DYM: variants seen among roughly 807,000 people sequenced by gnomAD.
DYM encodes the protein dymeclin.
Under a neutral mutation model 93.1 loss-of-function variants are expected in DYM, and 78 were observed. That is an observed-to-expected ratio of 0.84 (90% CI 0.70 to 1.01). The LOEUF (loss-of-function observed/expected upper bound fraction) is 1.01, where lower values mean the gene tolerates loss of function less well. Ranked by LOEUF, DYM falls within the 50% of genes least tolerant of loss-of-function variation. The pLI is 0.00. For missense variants in DYM, 789 were observed against 845.0 expected (o/e 0.93, Z 0.82); for synonymous variants, 321 against 319.7 (o/e 1.00, Z -0.04).
intron 6 of DYM, among the ~76,000 whole-genome samples, chr18:49,345,083 A>G (rs1482967901): frequency 6.6e-6 from 1 of 152,202 alleles, no homozygotes; most frequent in Non-Finnish European, 1.5e-5. Context: ...ATCATAATCC[A>G]GAAAATAATC....
At chr18:49,263,764 T>C (rs2094527264) in intron 11 of DYM, among the ~76,000 whole-genome samples, 2 of 152,144 alleles carry the variant, frequency 1.3e-5, no homozygotes, top group Admixed American at 6.5e-5. Context: ...ATTAACTGTG[T>C]TAACACACTA....
At chr18:49,211,113 TAAAG>T (rs2092762363) in intron 13 of DYM, among the ~76,000 whole-genome samples, 1 of 152,148 alleles carries the variant, frequency 6.6e-6, no homozygotes, top group Non-Finnish European at 1.5e-5. Flanking sequence ...TAAAATTTTT[TAAAG>T]AAAGACAAAA....
At chr18:49,289,037 G>A (rs1045247352) in intron 8 of DYM, among the ~76,000 whole-genome samples, 12 of 152,186 alleles carry the variant, frequency 7.9e-5, no homozygotes, top group African/African-American at 2.9e-4. Context: ...TGGCAGCAGA[G>A]GAGACAAATA....
At chr18:49,268,302 C>G (rs1042444041) in intron 11 of DYM, among the ~76,000 whole-genome samples, 1 of 152,064 alleles carries the variant, frequency 6.6e-6, no homozygotes, top group South Asian at 2.1e-4. Flanking sequence ...CAAAATAAAT[C>G]GAGATCAACA....
At chr18:49,433,297 T>C (rs998572122) in intron 1 of DYM, among the ~76,000 whole-genome samples, 1 of 152,184 alleles carries the variant, frequency 6.6e-6, no homozygotes, top group African/African-American at 2.4e-5. Flanking sequence ...AAGTAAATAA[T>C]TTCGTATAGA....
chr18:49,317,590 T>TCCCTCC (rs2062051339), intron 8 of DYM, among the ~76,000 whole-genome samples: 1 of 11,608 alleles, frequency 8.6e-5, no homozygotes, highest in African/African-American at 5.2e-4. Context: ...TCTCTCTCTC[T>TCCCTCC]CTCTCTCCCC....
At chr18:49,199,230 G>A (rs1276243311) in intron 14 of DYM, among the ~76,000 whole-genome samples, 2 of 152,134 alleles carry the variant, frequency 1.3e-5, no homozygotes, top group Non-Finnish European at 2.9e-5. Flanking sequence ...GCCTGTTGTG[G>A]GGTGGGGGGA....
At chr18:49,109,514 C>T (rs989241633) in intron 16 of DYM, among the ~76,000 whole-genome samples, 1 of 152,170 alleles carries the variant, frequency 6.6e-6, no homozygotes, top group African/African-American at 2.4e-5. Flanking sequence ...TGGTACCCTA[C>T]TTGTGAGTTA....
At chr18:49,352,550 G>A (rs2065201329) in intron 6 of DYM, among the ~76,000 whole-genome samples, 1 of 151,928 alleles carries the variant, frequency 6.6e-6, no homozygotes, top group African/African-American at 2.4e-5. Context: ...TGACTACAAG[G>A]GAAACTAGGG....
chr18:49,251,478 G>A (rs2094286366), intron 13 of DYM, among the ~76,000 whole-genome samples: 1 of 152,166 alleles, frequency 6.6e-6, no homozygotes, highest in Non-Finnish European at 1.5e-5. Context: ...ACCTAGGACA[G>A]GGGATTTAAA....
chr18:49,155,665 T>C (rs1309008352), intron 15 of DYM, among the ~76,000 whole-genome samples: 3 of 152,238 alleles, frequency 2.0e-5, no homozygotes, highest in Admixed American at 2.0e-4. Flanking sequence ...TCCTTTCACT[T>C]AGCATAATGT....
At chr18:49,221,454 C>G (rs1054485859) in intron 13 of DYM, among the ~76,000 whole-genome samples, 2 of 152,048 alleles carry the variant, frequency 1.3e-5, no homozygotes, top group Non-Finnish European at 2.9e-5. Flanking sequence ...GACACATGCA[C>G]ACGTATGTTT....
intron 10 of DYM, among the ~76,000 whole-genome samples, chr18:49,279,446 T>C (rs951921130): frequency 2.6e-5 from 4 of 152,174 alleles, no homozygotes; most frequent in Non-Finnish European, 4.4e-5. Context: ...AGCCTCAACA[T>C]ATTTATTATA....
intron 14 of DYM, among the ~76,000 whole-genome samples, chr18:49,204,057 G>C (rs995491370): frequency 2.6e-5 from 4 of 151,728 alleles, no homozygotes; most frequent in African/African-American, 9.7e-5. Flanking sequence ...ACCTAAATCA[G>C]GTCCATGTAA....
intron 17 of DYM, among the ~76,000 whole-genome samples, chr18:49,076,902 T>A (rs545009603): frequency 1.3e-5 from 2 of 152,166 alleles, no homozygotes; most frequent in Non-Finnish European, 2.9e-5. Context: ...CGTATATAGT[T>A]CCTTTTTCCA....
chr18:49,124,655 A>G (rs991596630), intron 15 of DYM, among the ~76,000 whole-genome samples: 3 of 152,178 alleles, frequency 2.0e-5, no homozygotes, highest in Non-Finnish European at 4.4e-5. Context: ...CTTCTCTTAC[A>G]TTGTTTCTGT....
intron 8 of DYM, among the ~76,000 whole-genome samples, chr18:49,310,062 T>C (rs1003526451): frequency 4.6e-5 from 7 of 152,152 alleles, no homozygotes; most frequent in Non-Finnish European, 2.9e-5. Context: ...TACCAAAATA[T>C]TTAAAAGAAT....
chr18:49,080,797 G>A (rs1402655330), intron 17 of DYM, among the ~76,000 whole-genome samples: 34 of 149,088 alleles, frequency 2.3e-4, no homozygotes, highest in Admixed American at 1.3e-4. Context: ...GGCGGATGCC[G>A]GGCGGAGGGT....
intron 15 of DYM, among the ~76,000 whole-genome samples, chr18:49,143,213 A>T (rs2084723579): frequency 6.6e-6 from 1 of 152,214 alleles, no homozygotes; most frequent in African/African-American, 2.4e-5. Context: ...CTCTAAGGTA[A>T]CTACTAACCA....
Sources: allele counts gnomAD v4.1 joint callset (sites outside exome capture counted in the v4.1 genomes callset), GRCh38; gene constraint gnomAD v4.1.1; transcripts MANE v1.5; gene names NCBI Gene and HGNC (gene_info 2026-07-23, HGNC 2026-07-21).